Variants in HLTF observed in about 807,000 individuals in gnomAD.
The protein encoded by HLTF is helicase like transcription factor.
In HLTF, 127 loss-of-function variants were observed where a neutral mutation model predicts 129.4. The observed-to-expected ratio is 0.98, with a 90% CI of 0.85 to 1.14. The LOEUF (loss-of-function observed/expected upper bound fraction) is 1.14, where lower values mean the gene tolerates loss of function less well. Among genes scored for constraint, HLTF ranks in the 50% most tolerant of loss-of-function variants. The probability of loss-of-function intolerance (pLI) is 0.00; values close to 1 mark genes in which losing one functional copy is unlikely to be tolerated. For synonymous variants in HLTF, 332 were observed against 388.8 expected (o/e 0.85, Z 1.72); for missense variants, 1,139 against 1,187.1 (o/e 0.96, Z 0.60).
At position 149,086,450 on chromosome 3, in the gene HLTF, G is replaced by A. The variant is rs1720434617; in HGVS notation, c.-114C>T. Reference sequence around the variant, plus strand: ...CCCTGAAGCCGGGGACAAATTCCGAGCGCCGGATCAGGAGCGCACGACTGA... The same window carrying A: ...CCCTGAAGCCGGGGACAAATTCCGAACGCCGGATCAGGAGCGCACGACTGA... On this transcript the variant is annotated 5_prime_UTR_variant, in exon 1 of 25. Transcript: ENST00000310053. 7 of 1,284,432 alleles carry A rather than the reference G, an allele frequency of 5.4e-6. No individual in the cohort carries two copies. The highest frequency in any genetic ancestry group is 1.5e-5 in the African/African-American group (1 of 67,420). The allele number at this position is 1,284,432 out of a possible 1,614,324, so 79.6% of individuals were successfully genotyped here.
At chr3:149,062,176 TAA>T (rs1021821919) in intron 10 of HLTF, among the ~76,000 whole-genome samples, 18 of 152,178 alleles carry the variant, frequency 1.2e-4, no homozygotes, top group South Asian at 2.1e-4. Context: ...CAAAAGCCCC[TAA>T]AAGAGTGCCT....
rs1008010900 is a variant in HLTF at position 149,083,253 on chromosome 3, A to G, written c.228+1429T>C. 7.9e-5 allele frequency among the ~76,000 whole-genome samples: 12 copies of G among 151,786 alleles called. No homozygotes were observed. In the East Asian group the frequency reaches 1.7e-3, roughly 22 times the overall value. ...GCAATGCAAGCAAGACTCCGTTTCAAAAAAAAAACAAAAACAAATAAAAGA... is the reference window on the plus strand; with the variant it reads ...GCAATGCAAGCAAGACTCCGTTTCAGAAAAAAAACAAAAACAAATAAAAGA... On this transcript the variant is annotated intron_variant, in intron 2 of 24. Coordinates refer to ENST00000310053, the MANE Select transcript of HLTF (RefSeq NM_003071.4).
At chr3:149,079,586 T>C (rs1396500680) in intron 2 of HLTF, among the ~76,000 whole-genome samples, 2 of 151,750 alleles carry the variant, frequency 1.3e-5, no homozygotes, top group African/African-American at 4.8e-5. Flanking sequence ...AAAGGTTTTT[T>C]TGGGGTTTTC....
intron 17 of HLTF, among the ~76,000 whole-genome samples, chr3:149,046,706 T>C (rs1016098838): frequency 1.3e-5 from 2 of 152,120 alleles, no homozygotes; most frequent in African/African-American, 4.8e-5. Context: ...AAATCAAAAG[T>C]ATATAAATAA....
intron 21 of HLTF, 133 bp from the exon 22 acceptor site, chr3:149,039,826 A>G (rs1576576208): frequency 3.0e-6 from 2 of 667,760 alleles, no homozygotes; most frequent in East Asian, 5.9e-5. Flanking sequence ...TTTAAAACAA[A>G]AAATTAAGAC....
In HLTF at chr3:149,068,281, G is replaced by A. The variant is rs1204025165; in HGVS notation, c.949C>T (p.Pro317Ser). 2 of 1,573,950 alleles carry A rather than the reference G, an allele frequency of 1.3e-6. No homozygotes were observed. The highest frequency in any genetic ancestry group is 1.7e-6 in the Non-Finnish European group (2 of 1,148,164). Residue 317 changes from proline to serine, a missense_variant, in exon 8 of 25, where the codon CCT (proline) becomes TCT (serine). Coordinates refer to ENST00000310053, the MANE Select transcript of HLTF (RefSeq NM_003071.4). ...TTTTTAACTCTTTCAATAGGAAGAG[G>A]TCTGCCATCATGGAAGTTGGTAAGG... Reference protein sequence around the residue: ...VILTNFHDGRPLPIERVKKNL... With the variant: ...VILTNFHDGRSLPIERVKKNL...
In HLTF at chr3:149,035,576, T is replaced by G. The variant is rs527281743; in HGVS notation, c.2797-578A>C. Among the ~76,000 whole-genome samples the G allele has an allele frequency of 1.2e-4, 17 of 140,436 alleles. No homozygotes were observed. In the South Asian group the frequency reaches 3.8e-3, roughly 32 times the overall value. 92.1% of individuals were successfully genotyped at this position (140,436 alleles called of 152,430 possible). ...AGGAGGCTGAGGCAGGAGAATGGCC[T>G]GAACCCCGGGAGGCGGAGCCTGCAG... On this transcript the variant is annotated intron_variant, in intron 23 of 24. Transcript: ENST00000310053.
intron 17 of HLTF, among the ~76,000 whole-genome samples, chr3:149,047,215 A>G (rs1450105147): frequency 9.4e-6 from 1 of 105,830 alleles, no homozygotes; most frequent in Non-Finnish European, 2.0e-5. Context: ...ACCACATTAC[A>G]TCTTGCAAAA....
In HLTF at chr3:149,063,529, T is replaced by G. The variant is rs201252374; in HGVS notation, c.1067-5A>C. ...GTTCACTACATCTAGATGCGTCTAT[T>G]TCAAAGAAAAATGCAAATATAAAGT... On this transcript the variant is annotated splice_region_variant and splice_polypyrimidine_tract_variant and intron_variant, in intron 9 of 24. Coordinates refer to ENST00000310053, the MANE Select transcript of HLTF (RefSeq NM_003071.4). 6.5e-7 allele frequency: 1 copy of G among 1,549,158 alleles called. No individual in the cohort carries two copies. Among genetic ancestry groups the G allele is most frequent in the Admixed American group, 1.7e-5 (1 of 59,918 alleles).
Position 149,063,441 on chromosome 3 carries a change from G to T in HLTF, c.1150C>A (p.Arg384Ser). 6.3e-7 allele frequency: 1 copy of T among 1,586,578 alleles called. No individual in the cohort carries two copies. The highest frequency in any genetic ancestry group is 8.7e-7 in the Non-Finnish European group (1 of 1,155,226). Residue 384 changes from arginine to serine, a missense_variant, in exon 10 of 25, where the codon CGC (arginine) becomes AGC (serine). By Grantham distance (110) the Arg-to-Ser change is moderately radical. Coordinates refer to ENST00000310053, the MANE Select transcript of HLTF (RefSeq NM_003071.4). ...ACCATAATAGTTTACCTTTTGGGGC[G>T]GGAGCTAGACAATTCTGACATGCGA... ...KFRMSELSSS[R>S]PKRRKTAVQY...
Position 149,037,467 on chromosome 3 carries a change from CAAAAAAAAAA to C in HLTF, c.2796+1572_2796+1581del. On this transcript the variant is annotated intron_variant, in intron 23 of 24. Coordinates refer to ENST00000310053, the MANE Select transcript of HLTF (RefSeq NM_003071.4). ...TGGGCGACAGAGCAAGACTCTGTCT[CAAAAAAAAAA>C]AAAAAAGAAAAAAGAAAATACAACA... Among the ~76,000 whole-genome samples the C allele has an allele frequency of 4.0e-5, 4 of 99,606 alleles. No individual in the cohort carries two copies. The Admixed American group carries it at 4.4e-4, about 11-fold the overall frequency. The allele number at this position is 99,606 out of a possible 152,430, so 65.3% of individuals were successfully genotyped here. A position where few individuals can be genotyped will look rare whatever the true frequency, so the allele number is the denominator to read the frequency against.
rs1428586534 is a variant in HLTF at position 149,032,304 on chromosome 3, T to C, written c.2946A>G (p.Ala982=). The change falls in exon 25 of 25, where the codon GCA becomes GCG. Residue 982 remains alanine, a synonymous_variant. Transcript: ENST00000310053. ...KIQNKKRELA[A]GAFGTKKPNA... is the part of the protein sequence containing the mutation. ...TTGGTTTTTTAGTTCCAAAGGCTCC[T>C]GCTGCAAGTTCTCTCTTTTTGTTTT... The C allele has an allele frequency of 1.9e-6, 3 of 1,600,916 alleles. No homozygotes were observed. In the African/African-American group the frequency reaches 4.0e-5, roughly 22 times the overall value.
intron 24 of HLTF, among the ~76,000 whole-genome samples, chr3:149,033,277 T>G (rs561831612): frequency 6.6e-6 from 1 of 152,256 alleles, no homozygotes; most frequent in Non-Finnish European, 1.5e-5. Context: ...ACATATAAGA[T>G]CTACATAAAT....
intron 4 of HLTF, 35 bp downstream of exon 4, chr3:149,074,180 T>TA: frequency 6.3e-7 from 1 of 1,582,792 alleles, no homozygotes; most frequent in East Asian, 2.2e-5. Context: ...CATCTTACAA[T>TA]ATCAGAATAA....
Position 149,075,796 on chromosome 3 carries a change from T to G in HLTF, c.395+85A>C, listed in dbSNP as rs1329471294. The G allele has an allele frequency of 1.2e-5, 10 of 821,236 alleles. No individual in the cohort carries two copies. The Admixed American group carries it at 2.4e-4, about 19-fold the overall frequency. 50.9% of individuals were successfully genotyped at this position (821,236 alleles called of 1,614,324 possible). A position where few individuals can be genotyped will look rare whatever the true frequency, so the allele number is the denominator to read the frequency against. The stretch of plus-strand genomic sequence containing the variant: ...AGTGATAGAAATTGTTAGCATACCT[T>G]TATAGGCTCTAACAAGAAGCCCTAA... On this transcript the variant is annotated intron_variant, in intron 3 of 24. Coordinates refer to ENST00000310053, the MANE Select transcript of HLTF (RefSeq NM_003071.4).
At chr3:149,079,285 C>G (rs1181081079) in intron 2 of HLTF, among the ~76,000 whole-genome samples, 1 of 134,390 alleles carries the variant, frequency 7.4e-6, no homozygotes, top group Non-Finnish European at 1.6e-5. Flanking sequence ...CTAAAATAAA[C>G]TCAAAGAGAT....
chr3:149,086,198 A>T, intron 1 of HLTF, 119 bp downstream of exon 1: 1 of 1,091,672 alleles, frequency 9.2e-7, no homozygotes, highest in Non-Finnish European at 1.4e-6. Context: ...CGACCAACAG[A>T]ACGAATACAG....
chr3:149,048,420 T>C (rs1048608296), intron 16 of HLTF, among the ~76,000 whole-genome samples: 2 of 152,222 alleles, frequency 1.3e-5, no homozygotes, highest in Non-Finnish European at 2.9e-5. Flanking sequence ...TTCAACTTTC[T>C]CCTTATCAAG....
chr3:149,032,504 T>C (rs1715181733), intron 24 of HLTF, 132 bp from the exon 25 acceptor site: 4 of 535,038 alleles, frequency 7.5e-6, no homozygotes, highest in Non-Finnish European at 1.3e-5. Context: ...ATAATAACTA[T>C]TTAATAGAAC....
Sources: gnomAD v4.1 joint callset for allele counts (sites outside exome capture counted in the v4.1 genomes callset) on GRCh38, gnomAD v4.1.1 for gene constraint, MANE v1.5 for transcripts, NCBI Gene and HGNC (gene_info 2026-07-23, HGNC 2026-07-21) for gene names.